Variants in ZNF850 observed in about 807,000 individuals in gnomAD.
The protein encoded by ZNF850 is zinc finger protein 850.
A neutral mutation model predicts 11.9 loss-of-function variants in ZNF850; 2 were observed. The observed-to-expected ratio is 0.17, with a 90% CI of 0.07 to 0.53. ZNF850 has a LOEUF of 0.53. ZNF850 is among the 20% of genes least tolerant of loss of function. The pLI is 0.94. For missense variants in ZNF850, 1,014 were observed against 1,316.4 expected, an observed-to-expected ratio of 0.77 and a Z score of 3.55; for synonymous variants, 381 against 443.0, an observed-to-expected ratio of 0.86 and a Z score of 1.76.
rs746151927 is a variant in ZNF850, at chr19:36,750,528, T to G, written c.512A>C (p.Lys171Thr). 1.2e-5 allele frequency: 19 copies of G among 1,536,080 alleles called. No homozygotes were observed. In the South Asian group the frequency reaches 2.1e-4, roughly 17 times the overall value. Reference sequence around the variant, plus strand: ...CTTAAAAGCCATACATTCTGTGGATTTATACAGTTTCTCTCCAGGATGAAT... The same window carrying G: ...CTTAAAAGCCATACATTCTGTGGATGTATACAGTTTCTCTCCAGGATGAAT... ...HRIHPGEKLY[K>T]STECMAFKYG... is the part of the protein sequence containing the mutation. The change falls in exon 5 of 5, where the codon AAA (lysine) becomes ACA (threonine). Residue 171 changes from lysine to threonine, a missense_variant. By Grantham distance (78) the Lys-to-Thr change is moderately conservative. Around this residue, in one of 2 missense-constraint regions of ZNF850, gnomAD observed 835 missense variants for 1,022.0 expected, o/e 0.82. Coordinates refer to ENST00000591344, the MANE Select transcript of ZNF850 (RefSeq NM_001193552.2).
chr19:36,770,764 C>CT (rs1377690338), intron 1 of ZNF850, among the ~76,000 whole-genome samples: 1 of 128,726 alleles, frequency 7.8e-6, no homozygotes, highest in African/African-American at 2.8e-5. Flanking sequence ...ATTCCAAGGA[C>CT]TTTAGGAGTT....
At chr19:36,770,464 C>G (rs2040573977) in intron 1 of ZNF850, among the ~76,000 whole-genome samples, 1 of 151,998 alleles carries the variant, frequency 6.6e-6, no homozygotes, top group Admixed American at 6.6e-5. Flanking sequence ...TTTGGGAGGC[C>G]GAGGCAGGCA....
At chr19:36,772,049 C>A (rs753959630) in intron 1 of ZNF850, among the ~76,000 whole-genome samples, 3 of 152,164 alleles carry the variant, frequency 2.0e-5, no homozygotes, top group Non-Finnish European at 2.9e-5. Context: ...TAACAGAGCC[C>A]ACCGTGTACA....
At chr19:36,759,662 A>G (rs2040506844) in intron 4 of ZNF850, among the ~76,000 whole-genome samples, 1 of 152,154 alleles carries the variant, frequency 6.6e-6, no homozygotes. Context: ...GGGGATGTCC[A>G]TTACACCATC....
At position 36,749,021 on chromosome 19, in the gene ZNF850, A is replaced by G. The variant is rs1278496786; in HGVS notation, c.2019T>C (p.Tyr673=). 1 of 1,608,916 alleles carries G rather than the reference A, an allele frequency of 6.2e-7. No individual in the cohort carries two copies. The highest frequency in any genetic ancestry group is 8.5e-7 in the Non-Finnish European group (1 of 1,178,384). ...HHRIHTGEKP[Y]ECPDCGKAFR... is the part of the protein sequence containing the mutation. ...AGGCCTTCCCACAGTCCGGACATTCATAGGGTTTCTCACCAGTGTGAATTC... is the reference window on the plus strand; with the variant it reads ...AGGCCTTCCCACAGTCCGGACATTCGTAGGGTTTCTCACCAGTGTGAATTC... The change falls in exon 5 of 5, where the codon TAT becomes TAC. Residue 673 remains tyrosine, a synonymous_variant. Transcript: ENST00000591344.
Position 36,744,358 on chromosome 19 carries a change from T to C in ZNF850, c.*3409A>G, listed in dbSNP as rs3108590. 115,696 of 152,040 alleles carry C rather than the reference T, an allele frequency of 0.76. 44,117 individuals carry two copies. The highest frequency in any genetic ancestry group is 0.82 in the East Asian group (4,247 of 5,166). 9.4% of individuals were successfully genotyped at this position (152,040 alleles called of 1,614,324 possible). A position where few individuals can be genotyped will look rare whatever the true frequency, so the allele number is the denominator to read the frequency against. On this transcript the variant is annotated 3_prime_UTR_variant, in exon 5 of 5. Coordinates refer to ENST00000591344, the MANE Select transcript of ZNF850 (RefSeq NM_001193552.2). ...CGTTAAGAGTATTGGCTGAACACAGTGGCTCACACCTGTAATCCCAGCACC... is the reference window on the plus strand; with the variant it reads ...CGTTAAGAGTATTGGCTGAACACAGCGGCTCACACCTGTAATCCCAGCACC...
intron 1 of ZNF850, among the ~76,000 whole-genome samples, chr19:36,770,735 A>AAAAAAAAC (rs2040576644): frequency 7.0e-6 from 1 of 142,002 alleles, no homozygotes; most frequent in Non-Finnish European, 1.5e-5. Context: ...AAAAAAAAAA[A>AAAAAAAAC]AAAGCCAGCA....
At position 36,747,896 on chromosome 19, in the gene ZNF850, A is replaced by G. The variant is rs1207696718; in HGVS notation, c.3144T>C (p.Tyr1048=). ...TCTGATGTCGGCTGAGTCCTGAGGC[A>G]TAGAAAAAGGCTTTCCCACATTCCG... ...QCPECGKAFF[Y]ASGLSRHQSV... The change falls in exon 5 of 5, where the codon TAT becomes TAC. Residue 1048 remains tyrosine (Y), a synonymous_variant. Transcript: ENST00000591344. The G allele has an allele frequency of 1.3e-6, 2 of 1,571,144 alleles. No homozygotes were observed. The highest frequency in any genetic ancestry group is 1.4e-5 in the African/African-American group (1 of 73,462).
At chr19:36,755,312 C>T (rs766651961) in intron 4 of ZNF850, among the ~76,000 whole-genome samples, 8 of 152,136 alleles carry the variant, frequency 5.3e-5, no homozygotes, top group Non-Finnish European at 1.0e-4. Flanking sequence ...ACTGCAACCT[C>T]CACCTCCCAG....
chr19:36,771,431 G>A (rs1026609419), intron 1 of ZNF850, among the ~76,000 whole-genome samples: 2 of 152,044 alleles, frequency 1.3e-5, no homozygotes, highest in Admixed American at 1.3e-4. Context: ...CCAATCAGGG[G>A]CTGAAGTGAA....
At chr19:36,756,131 C>T (rs553435241) in intron 4 of ZNF850, among the ~76,000 whole-genome samples, 1 of 152,020 alleles carries the variant, frequency 6.6e-6, no homozygotes, top group Non-Finnish European at 1.5e-5. Context: ...GTCTCAATCT[C>T]CTGACCTTGT....
In ZNF850 at chr19:36,750,063, C is replaced by T. The variant is rs769582081; in HGVS notation, c.977G>A (p.Arg326Gln). The T allele has an allele frequency of 4.7e-5, 73 of 1,537,692 alleles. No individual in the cohort carries two copies. The East Asian group carries it at 1.3e-3, about 27-fold the overall frequency. Residue 326 changes from arginine to glutamine, a missense_variant, in exon 5 of 5, where the codon CGA (arginine) becomes CAA (glutamine). Coordinates refer to ENST00000591344, the MANE Select transcript of ZNF850 (RefSeq NM_001193552.2). ...CTCACCAGTGTGAATTTGCTGGTGTCGAATTAGTGTTGAGCCAACAGTAAA... is the reference window on the plus strand; with the variant it reads ...CTCACCAGTGTGAATTTGCTGGTGTTGAATTAGTGTTGAGCCAACAGTAAA... Reference protein sequence around the residue: ...KSFTVGSTLIRHQQIHTGEKP... With the variant: ...KSFTVGSTLIQHQQIHTGEKP...
rs759835935 is a variant in ZNF850, at chr19:36,748,315, G to A, written c.2725C>T (p.Arg909Cys). ...CKECGKAFRR[R>C]SKLTQHQRIH... ...CGTTGATGTTGAGTAAGTTTTGAACGACGTCTAAAGGCCTTGCCACATTCC... is the reference window on the plus strand; with the variant it reads ...CGTTGATGTTGAGTAAGTTTTGAACAACGTCTAAAGGCCTTGCCACATTCC... Residue 909 changes from arginine to cysteine, a missense_variant, in exon 5 of 5, where the codon CGT becomes TGT. Coordinates refer to ENST00000591344, the MANE Select transcript of ZNF850 (RefSeq NM_001193552.2). 1.1e-5 allele frequency: 17 copies of A among 1,585,906 alleles called. No individual in the cohort carries two copies. Among genetic ancestry groups the A allele is most frequent in the Middle Eastern group, 1.7e-4 (1 of 6,042 alleles).
At chr19:36,768,029 G>A (rs1413166424) in intron 1 of ZNF850, among the ~76,000 whole-genome samples, 1 of 152,204 alleles carries the variant, frequency 6.6e-6, no homozygotes, top group Non-Finnish European at 1.5e-5. Flanking sequence ...GGGATGCCAA[G>A]GCAGGAGGAT....
At position 36,750,418 on chromosome 19, in the gene ZNF850, G is replaced by T. The variant is rs1454504559; in HGVS notation, c.622C>A (p.His208Asn). The change falls in exon 5 of 5, where the codon CAC (histidine) becomes AAC (asparagine). Residue 208 changes from histidine to asparagine, a missense_variant. Around this residue, in one of 2 missense-constraint regions of ZNF850, gnomAD observed 835 missense variants for 1,022.0 expected, o/e 0.82. Transcript: ENST00000591344. ...KCKECGKAFH[H>N]FSYLVKHQRI... ...TGATGTTTAACAAGATAGGAAAAGTGATGAAAGGCCTTCCCACACTCCTTA... is the reference window on the plus strand; with the variant it reads ...TGATGTTTAACAAGATAGGAAAAGTTATGAAAGGCCTTCCCACACTCCTTA... The T allele has an allele frequency of 6.5e-7, 1 of 1,536,638 alleles. No homozygotes were observed. The highest frequency in any genetic ancestry group is 8.7e-7 in the Non-Finnish European group (1 of 1,146,968).
intron 1 of ZNF850, among the ~76,000 whole-genome samples, chr19:36,769,753 T>C (rs756001016): frequency 6.6e-6 from 1 of 152,222 alleles, no homozygotes; most frequent in Non-Finnish European, 1.5e-5. Flanking sequence ...AGAAGACTTC[T>C]GTGGCCTCAA....
At chr19:36,762,552 A>G (rs1287278635) in intron 2 of ZNF850, 43 bp downstream of exon 2, 1 of 1,536,106 alleles carries the variant, frequency 6.5e-7, no homozygotes, top group Non-Finnish European at 8.7e-7. Flanking sequence ...CTAGGATGAG[A>G]GTGGGGAAGA....
Position 36,748,405 on chromosome 19 carries a change from CAA to C in ZNF850, c.2633_2634del (p.Phe878CysfsTer16). 1 of 1,543,596 alleles carries C rather than the reference CAA, an allele frequency of 6.5e-7. No individual in the cohort carries two copies. The highest frequency in any genetic ancestry group is 8.7e-7 in the Non-Finnish European group (1 of 1,146,950). On this transcript the variant is annotated frameshift_variant, in exon 5 of 5. Coordinates refer to ENST00000591344, the MANE Select transcript of ZNF850 (RefSeq NM_001193552.2). LOFTEE classifies it low-confidence loss of function (END_TRUNC). ...TGTTGGATTATTGCTGAGCGAAAAG[CAA>C]AAGATTTTCCACATTCCTTACAATG... ...PYHCKECGKS[F>X]AFRSAIIQHR...
intron 4 of ZNF850, among the ~76,000 whole-genome samples, chr19:36,756,917 A>G (rs1247503380): frequency 6.6e-6 from 1 of 152,114 alleles, no homozygotes; most frequent in Non-Finnish European, 1.5e-5. Flanking sequence ...CCTGGCCTGT[A>G]ACAGTTTTTG....
Sources: allele counts gnomAD v4.1 joint callset (sites outside exome capture counted in the v4.1 genomes callset), GRCh38; gene constraint gnomAD v4.1.1; regional missense constraint gnomAD v4.1.1; transcripts MANE v1.5; gene names NCBI Gene and HGNC (gene_info 2026-07-23, HGNC 2026-07-21).